The following SUSD3 variants were observed in gnomAD, a reference collection of about 807,000 sequenced individuals.
SUSD3 encodes sushi domain containing 3.
A neutral mutation model predicts 20.6 loss-of-function variants in SUSD3; 18 were observed. That is an observed-to-expected ratio of 0.87 (90% CI 0.60 to 1.30). The LOEUF (loss-of-function observed/expected upper bound fraction) is 1.30. Among genes scored for constraint, SUSD3 ranks in the 50% most tolerant of loss-of-function variants. The pLI is 0.00. For synonymous variants in SUSD3, 137 were observed against 141.5 expected, an observed-to-expected ratio of 0.97 and a Z score of 0.23; for missense variants, 306 against 346.9, an observed-to-expected ratio of 0.88 and a Z score of 0.94.
intron 1 of SUSD3, among the ~76,000 whole-genome samples, chr9:93,071,106 G>T (rs1266389635): frequency 6.6e-6 from 1 of 152,182 alleles, no homozygotes; most frequent in Non-Finnish European, 1.5e-5. Context: ...AGGTTGGTCT[G>T]TCCTTTCACA....
intron 1 of SUSD3, among the ~76,000 whole-genome samples, chr9:93,060,269 G>A (rs1421789730): frequency 6.6e-6 from 1 of 152,096 alleles, no homozygotes; most frequent in African/African-American, 2.4e-5. Flanking sequence ...GGAGTTTTGG[G>A]TTAGGATCCC....
chr9:93,060,683 A>AG (rs1223503127), intron 1 of SUSD3, among the ~76,000 whole-genome samples: 1 of 152,102 alleles, frequency 6.6e-6, no homozygotes, highest in African/African-American at 2.4e-5. Flanking sequence ...ATGCAAAAAA[A>AG]AAATTAGCTG....
At chr9:93,073,561 T>C (rs1825999363) in intron 1 of SUSD3, among the ~76,000 whole-genome samples, 1 of 152,150 alleles carries the variant, frequency 6.6e-6, no homozygotes, top group Admixed American at 6.5e-5. Flanking sequence ...CCCTGTTCTT[T>C]ACCTGTGATG....
intron 1 of SUSD3, among the ~76,000 whole-genome samples, chr9:93,074,729 C>T (rs896945589): frequency 1.3e-5 from 2 of 151,018 alleles, no homozygotes; most frequent in Admixed American, 1.3e-4. Flanking sequence ...ATTCTCCTGC[C>T]TCAGCCTCCT....
chr9:93,064,811 G>A (rs1587897517), intron 1 of SUSD3, among the ~76,000 whole-genome samples: 1 of 152,332 alleles, frequency 6.6e-6, no homozygotes, highest in Non-Finnish European at 1.5e-5. Context: ...ATTTGTAGGT[G>A]GAGACACAGG....
At chr9:93,072,170 C>T (rs1481705787) in intron 1 of SUSD3, among the ~76,000 whole-genome samples, 1 of 152,172 alleles carries the variant, frequency 6.6e-6, no homozygotes, top group East Asian at 1.9e-4. Flanking sequence ...CCATAAGCCC[C>T]TCCCACCCCT....
chr9:93,070,749 G>A (rs755667417), intron 1 of SUSD3, among the ~76,000 whole-genome samples: 4 of 152,220 alleles, frequency 2.6e-5, no homozygotes, highest in Non-Finnish European at 4.4e-5. Flanking sequence ...CCTTGCCTGG[G>A]CCCCCAAATG....
At position 93,074,717 on chromosome 9, in the gene SUSD3, C is replaced by T. The variant is rs971318629; in HGVS notation, c.89-1067C>T. On this transcript the variant is annotated intron_variant, in intron 1 of 4. Coordinates refer to ENST00000375472, the MANE Select transcript of SUSD3 (RefSeq NM_145006.4). ...GCAACCTCTGACTCCCTGGTTCAAT[C>T]GATTCTCCTGCCTCAGCCTCCTGAG... Among the ~76,000 whole-genome samples, 13 of 145,374 alleles carry T rather than the reference C, an allele frequency of 8.9e-5. No homozygotes were observed. The Admixed American group carries it at 9.3e-4, about 10-fold the overall frequency.
intron 1 of SUSD3, among the ~76,000 whole-genome samples, chr9:93,070,911 T>C (rs770978701): frequency 6.6e-5 from 10 of 152,182 alleles, no homozygotes; most frequent in Non-Finnish European, 1.2e-4. Context: ...ATTCCTACTT[T>C]TGTTATTGTC....
intron 1 of SUSD3, among the ~76,000 whole-genome samples, chr9:93,062,116 G>C (rs945038129): frequency 2.6e-5 from 4 of 152,190 alleles, no homozygotes; most frequent in Non-Finnish European, 4.4e-5. Flanking sequence ...GTCAGGCTTG[G>C]CCCCCTCCGT....
chr9:93,060,565 C>G (rs1199867460), intron 1 of SUSD3, among the ~76,000 whole-genome samples: 1 of 152,092 alleles, frequency 6.6e-6, no homozygotes, highest in Non-Finnish European at 1.5e-5. Context: ...GGAGTGGTGG[C>G]TCATGCCTCT....
chr9:93,072,099 C>T (rs1587907678), intron 1 of SUSD3, among the ~76,000 whole-genome samples: 1 of 152,218 alleles, frequency 6.6e-6, no homozygotes, highest in East Asian at 1.9e-4. Context: ...ACCCATTAGG[C>T]CCCCAGTGTT....
intron 1 of SUSD3, among the ~76,000 whole-genome samples, chr9:93,073,457 C>T (rs1312572684): frequency 6.6e-6 from 1 of 152,090 alleles, no homozygotes; most frequent in Non-Finnish European, 1.5e-5. Flanking sequence ...ACCGTGTTAG[C>T]CAGGATGGTC....
intron 1 of SUSD3, among the ~76,000 whole-genome samples, chr9:93,067,949 G>C (rs1825779178): frequency 6.6e-6 from 1 of 152,154 alleles, no homozygotes; most frequent in South Asian, 2.1e-4. Context: ...GTTTTGATTT[G>C]TATTTCCCTG....
chr9:93,074,181 A>C (rs1369533136), intron 1 of SUSD3, among the ~76,000 whole-genome samples: 1 of 152,094 alleles, frequency 6.6e-6, no homozygotes, highest in East Asian at 1.9e-4. Flanking sequence ...GTGGTGGCTC[A>C]CGTCTGTAAT....
At chr9:93,061,981 A>C (rs1825524313) in intron 1 of SUSD3, among the ~76,000 whole-genome samples, 1 of 152,258 alleles carries the variant, frequency 6.6e-6, no homozygotes, top group African/African-American at 2.4e-5. Flanking sequence ...CTGTGTGGCG[A>C]ATCCCAGGAG....
At chr9:93,075,664 C>T (rs1235225975) in intron 1 of SUSD3, 120 bp from the exon 2 acceptor site, 7 of 715,358 alleles carry the variant, frequency 9.8e-6, no homozygotes, top group Admixed American at 4.9e-5. Flanking sequence ...TTTGGAGCTG[C>T]ACCCCACCCC....
At chr9:93,066,228 C>T (rs1825705221) in intron 1 of SUSD3, among the ~76,000 whole-genome samples, 1 of 152,170 alleles carries the variant, frequency 6.6e-6, no homozygotes, top group Admixed American at 6.5e-5. Flanking sequence ...AAAAAAGTAT[C>T]TTCAGTTGCT....
chr9:93,071,320 C>T (rs1227194497), intron 1 of SUSD3, among the ~76,000 whole-genome samples: 1 of 152,232 alleles, frequency 6.6e-6, no homozygotes, highest in African/African-American at 2.4e-5. Context: ...GAAGACAGTG[C>T]AGCCTTCAGT....
Sources: allele counts gnomAD v4.1 joint callset (sites outside exome capture counted in the v4.1 genomes callset), GRCh38; gene constraint gnomAD v4.1.1; transcripts MANE v1.5; gene names NCBI Gene and HGNC (gene_info 2026-07-23, HGNC 2026-07-21).